Variants in PLS1 observed in about 807,000 individuals in gnomAD.
PLS1 encodes the protein plastin-1.
A neutral mutation model predicts 73.7 loss-of-function variants in PLS1; 32 were observed. The ratio of observed to expected loss-of-function variants is 0.43; its 90% confidence interval spans 0.33 to 0.58. The LOEUF (loss-of-function observed/expected upper bound fraction) is 0.58, where lower values mean the gene tolerates loss of function less well. PLS1 is among the 20% of genes least tolerant of loss of function. The pLI, the probability that PLS1 is intolerant of heterozygous loss-of-function variation, is 0.04. For missense variants in PLS1, 633 were observed against 740.5 expected, an observed-to-expected ratio of 0.85 and a Z score of 1.68; for synonymous variants, 217 against 261.3, an observed-to-expected ratio of 0.83 and a Z score of 1.63.
At chr3:142,703,846 C>T in intron 12 of PLS1, 22 bp from the exon 13 acceptor site, 1 of 1,567,240 alleles carries the variant, frequency 6.4e-7, no homozygotes, top group South Asian at 1.1e-5. Context: ...CTTTTTATAC[C>T]CAAACTTTTA....
At chr3:142,698,091 T>C in intron 12 of PLS1, 24 bp downstream of exon 12, 1 of 1,216,152 alleles carries the variant, frequency 8.2e-7, no homozygotes, top group Non-Finnish European at 1.2e-6. Flanking sequence ...TGGCCATGGA[T>C]ATATTGTTAT....
At chr3:142,626,432 T>A (rs2036430123) in intron 1 of PLS1, among the ~76,000 whole-genome samples, 1 of 151,992 alleles carries the variant, frequency 6.6e-6, no homozygotes, top group Non-Finnish European at 1.5e-5. Context: ...AAACATAAAG[T>A]GGGGTTTAAG....
At chr3:142,597,233 C>G (rs1358011737) in intron 1 of PLS1, 2 of 152,174 alleles carry the variant, frequency 1.3e-5, no homozygotes, top group Admixed American at 1.3e-4. Context: ...ATCTTTCCCT[C>G]CAGCCACGGT....
intron 1 of PLS1, among the ~76,000 whole-genome samples, chr3:142,601,255 A>G (rs961935449): frequency 2.0e-5 from 3 of 151,726 alleles, no homozygotes; most frequent in African/African-American, 7.3e-5. Context: ...GTTTTTCATG[A>G]TGACGTTAGT....
chr3:142,685,011 A>C (rs543947847), intron 8 of PLS1, among the ~76,000 whole-genome samples: 15 of 151,774 alleles, frequency 9.9e-5, no homozygotes, highest in African/African-American at 3.6e-4. Flanking sequence ...CTGTTTCTTT[A>C]TGTCCTCCCC....
At chr3:142,615,752 G>T (rs1017722625) in intron 1 of PLS1, among the ~76,000 whole-genome samples, 1 of 152,068 alleles carries the variant, frequency 6.6e-6, no homozygotes, top group African/African-American at 2.4e-5. Flanking sequence ...TGTTGAAGAG[G>T]GAAGGGGCAA....
rs760971473 is a variant in PLS1, at chr3:142,689,717, C to T, written c.1081C>T (p.Pro361Ser). The T allele has an allele frequency of 5.6e-6, 9 of 1,610,742 alleles. No homozygotes were observed. Among genetic ancestry groups the T allele is most frequent in the African/African-American group, 2.7e-5 (2 of 74,686 alleles). Reference sequence around the variant, plus strand: ...TCCTGCAGATGTGGTTTCAGGCAATCCTAAACTTAATTTAGCTTTTGTAGC... The same window carrying T: ...TCCTGCAGATGTGGTTTCAGGCAATTCTAAACTTAATTTAGCTTTTGTAGC... ...VTPADVVSGN[P>S]KLNLAFVANL... The change falls in exon 10 of 16, where the codon CCT becomes TCT. Residue 361 changes from proline (P) to serine (S), a missense_variant. Pro to Ser is a moderately conservative substitution (Grantham distance 74, BLOSUM62 -1). Transcript: ENST00000457734.
chr3:142,661,600 AAT>A lies in PLS1; in HGVS notation c.-36-2601_-36-2600del, dbSNP rs2037372357. 2.0e-5 allele frequency among the ~76,000 whole-genome samples: 3 copies of A among 152,350 alleles called. No individual in the cohort carries two copies. In the South Asian group the frequency reaches 6.2e-4, roughly 32 times the overall value. ...ATTTCAGTGAATAAATTATTTTGAA[AAT>A]TGATGTGCTTCACTGAAAAATTAGG... On this transcript the variant is annotated intron_variant, in intron 1 of 15. Coordinates refer to ENST00000457734, the MANE Select transcript of PLS1 (RefSeq NM_001145319.2).
At chr3:142,599,421 C>G (rs941964814) in intron 1 of PLS1, among the ~76,000 whole-genome samples, 72 of 148,430 alleles carry the variant, frequency 4.9e-4, no homozygotes, top group African/African-American at 1.6e-3. Context: ...GCTCCGCTTC[C>G]CAGGTTCACG....
intron 14 of PLS1, 105 bp downstream of exon 14, chr3:142,704,691 C>T (rs891179716): frequency 1.9e-6 from 1 of 535,722 alleles, no homozygotes; most frequent in Non-Finnish European, 3.0e-6. Flanking sequence ...CTCTGTCACC[C>T]AGGCTGGTGT....
chr3:142,635,207 A>G (rs566969017), intron 1 of PLS1, among the ~76,000 whole-genome samples: 57 of 152,294 alleles, frequency 3.7e-4, no homozygotes, highest in African/African-American at 1.3e-3. Flanking sequence ...TTATAACAAG[A>G]GAAGAAAGGA....
Position 142,713,116 on chromosome 3 carries a change from C to T in PLS1, c.*1109C>T, listed in dbSNP as rs1027124224. ...AGTATTTTCATATGTTTTTCACAGC[C>T]CGTTACAAATTGGCAATGTTTGGTT... On this transcript the variant is annotated 3_prime_UTR_variant, in exon 16 of 16. Coordinates refer to ENST00000457734, the MANE Select transcript of PLS1 (RefSeq NM_001145319.2). 3.9e-5 allele frequency: 6 copies of T among 152,404 alleles called. No homozygotes were observed. Among genetic ancestry groups the T allele is most frequent in the Admixed American group, 3.3e-4 (5 of 15,256 alleles). 9.4% of individuals were successfully genotyped at this position (152,404 alleles called of 1,614,324 possible). A position where few individuals can be genotyped will look rare whatever the true frequency, so the allele number is the denominator to read the frequency against.
intron 1 of PLS1, among the ~76,000 whole-genome samples, chr3:142,600,916 A>ATATATATTT (rs1560024585): frequency 4.0e-4 from 6 of 14,846 alleles, no homozygotes; most frequent in Non-Finnish European, 6.7e-4. Context: ...ATATATATAT[A>ATATATATTT]TTTTTTTTTT....
intron 12 of PLS1, chr3:142,698,472 T>G (rs2038259334): frequency 6.7e-6 from 1 of 150,102 alleles, no homozygotes; most frequent in Admixed American, 6.7e-5. Flanking sequence ...ATGGAGTTGG[T>G]CCTCAGGAAA....
chr3:142,618,848 A>C (rs1293049697), intron 1 of PLS1, among the ~76,000 whole-genome samples: 1 of 152,144 alleles, frequency 6.6e-6, no homozygotes, highest in Admixed American at 6.6e-5. Context: ...AATCTGCCTC[A>C]TCTCAAGGCC....
intron 14 of PLS1, among the ~76,000 whole-genome samples, chr3:142,709,981 T>C (rs1933044225): frequency 6.6e-6 from 1 of 152,064 alleles, no homozygotes. Flanking sequence ...ACCTCAGTAT[T>C]CCTAAGAATC....
intron 1 of PLS1, among the ~76,000 whole-genome samples, chr3:142,663,629 T>C (rs73228802): frequency 0.01 from 1,540 of 152,092 alleles, 7 homozygotes; most frequent in Non-Finnish European, 0.017. Context: ...AGCCTAGGAG[T>C]TCGGGACTGC....
At chr3:142,619,780 G>A (rs1290868182) in intron 1 of PLS1, 4 of 152,134 alleles carry the variant, frequency 2.6e-5, no homozygotes, top group African/African-American at 4.8e-5. Context: ...TGCTAATAAT[G>A]TCTCATATAA....
chr3:142,705,679 T>G (rs1302839582), intron 14 of PLS1, among the ~76,000 whole-genome samples: 1 of 152,252 alleles, frequency 6.6e-6, no homozygotes, highest in Non-Finnish European at 1.5e-5. Context: ...TCTACCCATT[T>G]TTATTTCTCT....
Sources: gnomAD v4.1 joint callset for allele counts (sites outside exome capture counted in the v4.1 genomes callset) on GRCh38, gnomAD v4.1.1 for gene constraint, MANE v1.5 for transcripts, NCBI Gene and HGNC (gene_info 2026-07-23, HGNC 2026-07-21) for gene names.